Variants in CNTNAP5 observed in about 807,000 individuals in gnomAD.
The protein encoded by CNTNAP5 is contactin-associated protein-like 5.
In CNTNAP5, 72 loss-of-function variants were observed where a neutral mutation model predicts 150.2. The ratio of observed to expected loss-of-function variants is 0.48; its 90% CI spans 0.40 to 0.58. CNTNAP5 has a LOEUF of 0.58. CNTNAP5 is among the 20% of genes least tolerant of loss of function. The pLI is 0.00. For missense variants in CNTNAP5, 1,636 were observed against 1,626.2 expected (o/e 1.01, Z -0.10); for synonymous variants, 672 against 619.8 (o/e 1.08, Z -1.25).
At chr2:124,792,501 A>T (rs1042852130) in intron 18 of CNTNAP5, among the ~76,000 whole-genome samples, 1 of 151,914 alleles carries the variant, frequency 6.6e-6, no homozygotes, top group Non-Finnish European at 1.5e-5. Flanking sequence ...TGTTTTGTGT[A>T]TTTTTTCTCT....
intron 12 of CNTNAP5, among the ~76,000 whole-genome samples, chr2:124,635,466 G>C (rs567771575): frequency 6.6e-6 from 1 of 152,252 alleles, no homozygotes; most frequent in East Asian, 1.9e-4. Context: ...GCAAAGAAGG[G>C]AAACCGGAGG....
chr2:124,682,790 C>A (rs1679099364), intron 13 of CNTNAP5, among the ~76,000 whole-genome samples: 1 of 152,112 alleles, frequency 6.6e-6, no homozygotes, highest in Non-Finnish European at 1.5e-5. Flanking sequence ...TAGTTTTGAA[C>A]TTGTGAGTGT....
chr2:124,715,421 TC>T (rs1197748531), intron 13 of CNTNAP5, among the ~76,000 whole-genome samples: 2 of 151,934 alleles, frequency 1.3e-5, no homozygotes, highest in Non-Finnish European at 2.9e-5. Context: ...CTCTCTGTCA[TC>T]CCCCCAAAGC....
intron 1 of CNTNAP5, among the ~76,000 whole-genome samples, chr2:124,088,230 G>A (rs78662890): frequency 0.09 from 13,680 of 152,070 alleles, 681 homozygotes; most frequent in Non-Finnish European, 0.12. Flanking sequence ...TATCAAGCCT[G>A]TCCTCTGAGG....
intron 3 of CNTNAP5, among the ~76,000 whole-genome samples, chr2:124,375,374 A>C (rs149605182): frequency 4.1e-4 from 63 of 152,270 alleles, no homozygotes; most frequent in Non-Finnish European, 6.9e-4. Flanking sequence ...ATGATGCTCA[A>C]ACAAAGGCAA....
At chr2:124,659,285 C>T (rs6739764) in intron 13 of CNTNAP5, among the ~76,000 whole-genome samples, 84,436 of 151,878 alleles carry the variant, frequency 0.56, 24,040 homozygotes, top group Non-Finnish European at 0.62. Context: ...TGTGTGTTTA[C>T]GTGTGTGTGT....
At chr2:124,478,894 C>A (rs1241087609) in intron 7 of CNTNAP5, among the ~76,000 whole-genome samples, 1 of 152,210 alleles carries the variant, frequency 6.6e-6, no homozygotes, top group African/African-American at 2.4e-5. Context: ...AAGCTCCAGC[C>A]TTTGCCTAAC....
At chr2:124,434,841 G>C (rs567477449) in intron 5 of CNTNAP5, among the ~76,000 whole-genome samples, 154 bp downstream of exon 5, 1 of 152,228 alleles carries the variant, frequency 6.6e-6, no homozygotes, top group African/African-American at 2.4e-5. Context: ...GGCATGTATA[G>C]CATTCTTTGA....
chr2:124,724,576 G>T (rs1009213972), intron 13 of CNTNAP5, among the ~76,000 whole-genome samples: 1 of 152,064 alleles, frequency 6.6e-6, no homozygotes, highest in Non-Finnish European at 1.5e-5. Flanking sequence ...AGATCTAAAA[G>T]TCTGAAGACA....
chr2:124,809,762 G>A (rs935009368), intron 19 of CNTNAP5, among the ~76,000 whole-genome samples: 11 of 152,148 alleles, frequency 7.2e-5, no homozygotes, highest in Admixed American at 1.3e-4. Context: ...AAAATGTAAT[G>A]TCCAATATCT....
At chr2:124,462,568 C>T (rs1298992935) in intron 6 of CNTNAP5, among the ~76,000 whole-genome samples, 1 of 152,114 alleles carries the variant, frequency 6.6e-6, no homozygotes, top group Non-Finnish European at 1.5e-5. Context: ...CTATTAGCTG[C>T]TATTAGGGGG....
At chr2:124,140,016 G>A (rs1173110456) in intron 1 of CNTNAP5, among the ~76,000 whole-genome samples, 7 of 152,234 alleles carry the variant, frequency 4.6e-5, no homozygotes, top group African/African-American at 1.7e-4. Context: ...CCGAGTCAAA[G>A]AAAGGGGTGA....
In CNTNAP5 at chr2:124,677,615, A is replaced by ACCTGGAAGGCGGAGG. The variant is rs1558731979; in HGVS notation, c.2077+29657_2077+29658insCCTGGAAGGCGGAGG. On this transcript the variant is annotated intron_variant, in intron 13 of 23. Transcript: ENST00000682447. ...ATTTTTACAGAGTGCTGACTGGTGC[A>ACCTGGAAGGCGGAGG]TTTACAATCCTTCAGCTAGACACAG... Among the ~76,000 whole-genome samples the ACCTGGAAGGCGGAGG allele has an allele frequency of 2.0e-4, 31 of 151,978 alleles. 1 individual carries two copies. The highest frequency in any genetic ancestry group is 1.8e-3 in the Admixed American group (27 of 15,076).
At chr2:124,461,083 T>C (rs930381814) in intron 6 of CNTNAP5, among the ~76,000 whole-genome samples, 88 of 152,198 alleles carry the variant, frequency 5.8e-4, no homozygotes, top group African/African-American at 1.7e-3. Context: ...TTGGTGGGAC[T>C]GTAAACTAGT....
At chr2:124,694,107 A>G (rs890248676) in intron 13 of CNTNAP5, among the ~76,000 whole-genome samples, 3 of 152,130 alleles carry the variant, frequency 2.0e-5, no homozygotes, top group Non-Finnish European at 2.9e-5. Flanking sequence ...ATGACCTCCC[A>G]CTTCTAACTT....
intron 2 of CNTNAP5, among the ~76,000 whole-genome samples, chr2:124,231,092 C>T (rs1426142517): frequency 6.6e-6 from 1 of 152,104 alleles, no homozygotes; most frequent in African/African-American, 2.4e-5. Flanking sequence ...TGGCTTCTAC[C>T]CAGAACTCCT....
Position 124,862,236 on chromosome 2 carries a change from T to C in CNTNAP5, c.3218-3070T>C, listed in dbSNP as rs866763307. Among the ~76,000 whole-genome samples, 11 of 152,358 alleles carry C rather than the reference T, an allele frequency of 7.2e-5. No homozygotes were observed. In the South Asian group the frequency reaches 2.1e-3, roughly 29 times the overall value. ...AACAAAAAATGATGTGTGTCCTTTA[T>C]AGTGTAGCAATGTTAATATATAAAC... On this transcript the variant is annotated intron_variant, in intron 19 of 23. Transcript: ENST00000682447.
chr2:124,318,844 C>T (rs374667270), intron 3 of CNTNAP5, among the ~76,000 whole-genome samples: 1 of 152,138 alleles, frequency 6.6e-6, no homozygotes, highest in East Asian at 1.9e-4. Context: ...CTCTATTTCT[C>T]TCCAGTCCCC....
At position 124,891,804 on chromosome 2, in the gene CNTNAP5, G is replaced by A. The variant is rs576600365; in HGVS notation, c.3437-11078G>A. ...GTTTGTTGTTTTTGTTTTTGAGGAA[G>A]TAATATTCCCAATTAGAAACAGTAC... On this transcript the variant is annotated intron_variant, in intron 21 of 23. Transcript: ENST00000682447. Among the ~76,000 whole-genome samples the A allele has an allele frequency of 6.6e-5, 10 of 152,152 alleles. No homozygotes were observed. In the South Asian group the frequency reaches 1.9e-3, roughly 28 times the overall value.
Sources: allele counts gnomAD v4.1 joint callset (sites outside exome capture counted in the v4.1 genomes callset), GRCh38; gene constraint gnomAD v4.1.1; transcripts MANE v1.5; gene names NCBI Gene and HGNC (gene_info 2026-07-23, HGNC 2026-07-21).